The following HTR4 variants were observed in gnomAD, a reference collection of about 807,000 sequenced individuals.
HTR4 encodes the protein 5-hydroxytryptamine receptor 4, also known as 5-hydroxytryptamine (serotonin) receptor 4, G protein-coupled.
Under a neutral mutation model 36.8 loss-of-function variants are expected in HTR4, and 16 were observed. That is an observed-to-expected ratio of 0.43 (90% CI 0.29 to 0.66). The LOEUF (loss-of-function observed/expected upper bound fraction) is 0.66. Among genes scored for constraint, HTR4 ranks in the 30% least tolerant of loss-of-function variants. The pLI is 0.13. For synonymous variants in HTR4, 189 were observed against 185.1 expected (o/e 1.02, Z -0.17); for missense variants, 438 against 490.9 (o/e 0.89, Z 1.02).
intron 2 of HTR4, among the ~76,000 whole-genome samples, chr5:148,559,108 A>G (rs749360168): frequency 6.6e-5 from 10 of 152,218 alleles, no homozygotes; most frequent in Non-Finnish European, 1.0e-4. Context: ...TACCTTCGTG[A>G]TCACCTGACT....
intron 6 of HTR4, among the ~76,000 whole-genome samples, chr5:148,500,992 T>C (rs376606935): frequency 6.6e-6 from 1 of 152,056 alleles, no homozygotes; most frequent in Non-Finnish European, 1.5e-5. Context: ...AGCAATTTCA[T>C]TTTTGGTAGC....
At chr5:148,601,211 G>A (rs1187711676) in intron 2 of HTR4, among the ~76,000 whole-genome samples, 1 of 151,958 alleles carries the variant, frequency 6.6e-6, no homozygotes, top group Non-Finnish European at 1.5e-5. Flanking sequence ...AGAATATGGA[G>A]AAAAGGAACC....
At chr5:148,475,862 G>A (rs1755682282), downstream of HTR4, among the ~76,000 whole-genome samples, 1 of 152,174 alleles carries the variant, frequency 6.6e-6, no homozygotes, top group African/African-American at 2.4e-5. Flanking sequence ...ACTGGGTGGG[G>A]AATGTGCTAT....
At chr5:148,599,109 G>A (rs1285513221) in intron 2 of HTR4, among the ~76,000 whole-genome samples, 4 of 152,108 alleles carry the variant, frequency 2.6e-5, no homozygotes, top group Admixed American at 2.6e-4. Flanking sequence ...AGATAAAAAA[G>A]AATGGAATAC....
chr5:148,536,789 G>A (rs1455252772), intron 4 of HTR4, among the ~76,000 whole-genome samples: 1 of 152,120 alleles, frequency 6.6e-6, no homozygotes. Context: ...CAATAATAGT[G>A]GAAGGCTTCA....
intron 2 of HTR4, among the ~76,000 whole-genome samples, chr5:148,577,135 C>A (rs1399540214): frequency 6.6e-6 from 1 of 151,896 alleles, no homozygotes; most frequent in African/African-American, 2.4e-5. Flanking sequence ...GAAAAACAAC[C>A]CTATTAAAAA....
intron 2 of HTR4, among the ~76,000 whole-genome samples, chr5:148,585,251 T>C (rs534293559): frequency 1.3e-5 from 2 of 152,358 alleles, no homozygotes; most frequent in East Asian, 3.9e-4. Flanking sequence ...TATCTGATTA[T>C]TATCCATTGT....
At chr5:148,504,570 C>T (rs139170491) in intron 6 of HTR4, among the ~76,000 whole-genome samples, 2,026 of 152,180 alleles carry the variant, frequency 0.013, 43 homozygotes, top group African/African-American at 0.045. Flanking sequence ...ACCCTAACAT[C>T]ACAATTAAAA....
At chr5:148,516,271 G>C (rs1757744227) in intron 5 of HTR4, among the ~76,000 whole-genome samples, 3 of 143,740 alleles carry the variant, frequency 2.1e-5, no homozygotes, top group African/African-American at 7.7e-5. Context: ...ATTTATTTCA[G>C]TGTATTTATT....
At chr5:148,528,426 C>A (rs1318856725) in intron 4 of HTR4, among the ~76,000 whole-genome samples, 6 of 152,022 alleles carry the variant, frequency 3.9e-5, no homozygotes, top group African/African-American at 1.4e-4. Flanking sequence ...AGGCAGCAGC[C>A]CTAAATAAGT....
At chr5:148,581,632 A>G (rs958447263) in intron 2 of HTR4, among the ~76,000 whole-genome samples, 1 of 152,072 alleles carries the variant, frequency 6.6e-6, no homozygotes, top group Non-Finnish European at 1.5e-5. Context: ...TCCTTATTGA[A>G]GATTAATTGA....
intron 6 of HTR4, among the ~76,000 whole-genome samples, chr5:148,499,801 C>A (rs1239988358): frequency 1.3e-5 from 2 of 152,162 alleles, no homozygotes; most frequent in African/African-American, 2.4e-5. Context: ...GCCCTCCTTG[C>A]AGTAACAAGC....
chr5:148,589,945 G>GGTGTTCTGTTTTTTT (rs1761495128), intron 2 of HTR4, among the ~76,000 whole-genome samples: 1 of 152,014 alleles, frequency 6.6e-6, no homozygotes. Context: ...AACTCCAGAA[G>GGTGTTCTGTTTTTTT]TATTTATTTA....
At chr5:148,644,150 CTT>C (rs1469604372) in intron 1 of HTR4, among the ~76,000 whole-genome samples, 1 of 152,162 alleles carries the variant, frequency 6.6e-6, no homozygotes, top group Non-Finnish European at 1.5e-5. Flanking sequence ...AGGGACCACT[CTT>C]TGAGAACCAC....
chr5:148,636,283 G>C (rs908619366), intron 2 of HTR4, among the ~76,000 whole-genome samples: 1 of 152,244 alleles, frequency 6.6e-6, no homozygotes, highest in South Asian at 2.1e-4. Flanking sequence ...AACAGTTCTT[G>C]TGATTACAGC....
rs747707642 is a variant in HTR4, at chr5:148,451,235, C to T, written c.1114G>A (p.Glu372Lys). 22 of 1,613,736 alleles carry T rather than the reference C, an allele frequency of 1.4e-5. No individual in the cohort carries two copies. The South Asian group carries it at 1.5e-4, about 11-fold the overall frequency. The change falls in exon 6 of 6, where the codon GAG becomes AAG. Residue 372 changes from glutamate (E) to lysine (K), a missense_variant. Physicochemically the swap from Glu to Lys is moderately conservative, Grantham distance 56. Coordinates refer to the HTR4 transcript ENST00000521530. Reference sequence around the variant, plus strand: ...GGGTCATTGTGTATGGGCAGTTTCTCGAGTTCCTGATGATGTCCCCTGTGC... The same window carrying T: ...GGGTCATTGTGTATGGGCAGTTTCTTGAGTTCCTGATGATGTCCCCTGTGC...
At chr5:148,518,298 C>T (rs890816066) in intron 5 of HTR4, among the ~76,000 whole-genome samples, 2 of 152,042 alleles carry the variant, frequency 1.3e-5, no homozygotes, top group Non-Finnish European at 2.9e-5. Context: ...AGAATATAAA[C>T]TTTACAAGGA....
At chr5:148,476,944 C>T (rs113753119), downstream of HTR4, among the ~76,000 whole-genome samples, 1,756 of 152,218 alleles carry the variant, frequency 0.012, 22 homozygotes, top group African/African-American at 0.038. Flanking sequence ...GGGAATCATG[C>T]CCAGTGGAAA....
At chr5:148,628,497 T>A (rs1043915678) in intron 2 of HTR4, 2 of 152,242 alleles carry the variant, frequency 1.3e-5, no homozygotes, top group African/African-American at 4.8e-5. Flanking sequence ...TCATAGATAT[T>A]GTCATGGTTG....
Sources: gnomAD v4.1 joint callset for allele counts (sites outside exome capture counted in the v4.1 genomes callset) on GRCh38, gnomAD v4.1.1 for gene constraint, MANE v1.5 for transcripts, NCBI Gene and HGNC (gene_info 2026-07-23, HGNC 2026-07-21) for gene names.